Variants in POU2F3 observed in about 807,000 individuals in gnomAD.
POU2F3 encodes POU domain, class 2, transcription factor 3.
In POU2F3, 23 loss-of-function variants were observed where a neutral mutation model predicts 59.2. The ratio of observed to expected loss-of-function variants is 0.39; its 90% CI spans 0.28 to 0.55. The LOEUF (loss-of-function observed/expected upper bound fraction) is 0.55, where lower values mean the gene tolerates loss of function less well. Among genes scored for constraint, POU2F3 ranks in the 20% least tolerant of loss-of-function variants. The pLI, the probability that POU2F3 is intolerant of heterozygous loss-of-function variation, is 0.66. For synonymous variants in POU2F3, 190 were observed against 214.6 expected, an observed-to-expected ratio of 0.89 and a Z score of 1.00; for missense variants, 473 against 544.5, an observed-to-expected ratio of 0.87 and a Z score of 1.31.
chr11:120,298,082 A>G (rs1200024238), intron 3 of POU2F3, among the ~76,000 whole-genome samples, 183 bp from the exon 4 acceptor site: 1 of 151,844 alleles, frequency 6.6e-6, no homozygotes, highest in African/African-American at 2.4e-5. Flanking sequence ...GCCTCTGCCC[A>G]GCTGCCCTGG....
intron 1 of POU2F3, among the ~76,000 whole-genome samples, chr11:120,241,356 C>T (rs547261076): frequency 3.9e-5 from 6 of 152,288 alleles, no homozygotes; most frequent in South Asian, 2.1e-4. Flanking sequence ...TCCAGACCCA[C>T]CCCAAGAAGC....
intron 2 of POU2F3, among the ~76,000 whole-genome samples, chr11:120,267,811 A>G (rs1939898447): frequency 1.7e-5 from 1 of 59,648 alleles, no homozygotes; most frequent in African/African-American, 1.3e-4. Context: ...AGCATATTGT[A>G]TATGCATATT....
chr11:120,239,481 G>T (rs1054947686), upstream of POU2F3, among the ~76,000 whole-genome samples: 2 of 152,148 alleles, frequency 1.3e-5, no homozygotes, highest in Admixed American at 6.5e-5. Flanking sequence ...TCATCTCGTA[G>T]AGCCTCACAG....
intron 3 of POU2F3, among the ~76,000 whole-genome samples, chr11:120,295,116 T>C (rs1941155378): frequency 6.6e-6 from 1 of 152,170 alleles, no homozygotes; most frequent in Non-Finnish European, 1.5e-5. Context: ...CCAAAGAGTC[T>C]GAAGGGCAAT....
At chr11:120,241,326 G>T (rs949156487) in intron 1 of POU2F3, among the ~76,000 whole-genome samples, 1 of 152,334 alleles carries the variant, frequency 6.6e-6, no homozygotes, top group South Asian at 2.1e-4. Context: ...CTTTCTGGGA[G>T]AGTAGGGAGG....
chr11:120,294,294 C>T (rs547490152), intron 3 of POU2F3, among the ~76,000 whole-genome samples: 12 of 152,354 alleles, frequency 7.9e-5, no homozygotes, highest in African/African-American at 2.9e-4. Context: ...GGACAGGCTG[C>T]TCAGTGGCTG....
intron 2 of POU2F3, among the ~76,000 whole-genome samples, chr11:120,267,994 T>C (rs1036160035): frequency 3.1e-4 from 47 of 152,116 alleles, no homozygotes; most frequent in Non-Finnish European, 5.0e-4. Context: ...CCTATTCACA[T>C]AGCAAAAGAG....
At chr11:120,293,843 G>A (rs1344901091) in intron 3 of POU2F3, among the ~76,000 whole-genome samples, 2 of 152,144 alleles carry the variant, frequency 1.3e-5, no homozygotes, top group Admixed American at 6.5e-5. Context: ...TTCCGTCACC[G>A]ATGGTCTATT....
rs140457886 is a variant in POU2F3 at position 120,297,827 on chromosome 11, G to A, written c.133-438G>A. Among the ~76,000 whole-genome samples the A allele has an allele frequency of 1.8e-3, 272 of 152,090 alleles. 1 individual carries two copies. The highest frequency in any genetic ancestry group is 6.1e-3 in the African/African-American group (255 of 41,496). ...ACTGTGTCACCTAGGCTGGAGTGCA[G>A]TGGCGTGATCATAGCTCACTGCAGC... is the stretch of plus-strand genomic sequence containing the variant. On this transcript the variant is annotated intron_variant, in intron 3 of 12. Transcript: ENST00000543440.
At chr11:120,287,009 T>C (rs1940807421) in intron 3 of POU2F3, among the ~76,000 whole-genome samples, 1 of 152,184 alleles carries the variant, frequency 6.6e-6, no homozygotes, top group Non-Finnish European at 1.5e-5. Flanking sequence ...CAGTGACCCA[T>C]CGTTAATCAA....
rs187881857 is a variant in POU2F3 at position 120,280,833 on chromosome 11, G to A, written c.132+11589G>A. Among the ~76,000 whole-genome samples the A allele has an allele frequency of 2.8e-3, 425 of 152,308 alleles. 1 individual carries two copies. The highest frequency in any genetic ancestry group is 9.8e-3 in the African/African-American group (406 of 41,570). ...GTAGAGATAGTATCTGCAGGCTCAGGGAGGGTTGCCAGGTAAAGGGTGGGG... is the reference window on the plus strand; with the variant it reads ...GTAGAGATAGTATCTGCAGGCTCAGAGAGGGTTGCCAGGTAAAGGGTGGGG... On this transcript the variant is annotated intron_variant, in intron 3 of 12. Transcript: ENST00000543440.
Position 120,318,382 on chromosome 11 carries a change from A to G in POU2F3, c.1301A>G (p.Tyr434Cys). Reference protein sequence around the residue: ...GSWYRWNHSTYLH With the variant: ...GSWYRWNHSTCLH ...TGGTACCGATGGAATCATTCCACCT[A>G]CCTCCACTGAGACCAAAAAGTTTCT... The change falls in exon 13 of 13, where the codon TAC becomes TGC. Residue 434 changes from tyrosine to cysteine, a missense_variant. Transcript: ENST00000543440. 6.2e-7 allele frequency: 1 copy of G among 1,604,862 alleles called. No individual in the cohort carries two copies. Among genetic ancestry groups the G allele is most frequent in the Non-Finnish European group, 8.5e-7 (1 of 1,171,856 alleles).
intron 2 of POU2F3, among the ~76,000 whole-genome samples, chr11:120,249,000 C>T (rs1190231774): frequency 6.6e-6 from 1 of 152,182 alleles, no homozygotes; most frequent in East Asian, 1.9e-4. Context: ...CCCTGTGCTG[C>T]GTGAAATCCC....
intron 2 of POU2F3, 84 bp from the exon 3 acceptor site, chr11:120,269,126 C>A: frequency 1.8e-6 from 2 of 1,089,996 alleles, no homozygotes; most frequent in African/African-American, 1.6e-5. Context: ...AGCCACACGC[C>A]TCTCAACATC....
At chr11:120,307,429 G>T (rs1199663648) in intron 8 of POU2F3, 50 bp from the exon 9 acceptor site, 1 of 1,600,834 alleles carries the variant, frequency 6.2e-7, no homozygotes, top group South Asian at 1.1e-5. Context: ...GAAGGCACCG[G>T]CCACTCATCC....
intron 9 of POU2F3, 140 bp downstream of exon 9, chr11:120,307,755 T>C: frequency 1.7e-6 from 2 of 1,162,118 alleles, no homozygotes; most frequent in Non-Finnish European, 2.4e-6. Flanking sequence ...ATTATCCCAC[T>C]CCAGGCGCCC....
At chr11:120,294,712 GCCATGGGAATTGTCGATGTA>G (rs1424186314) in intron 3 of POU2F3, among the ~76,000 whole-genome samples, 2 of 152,132 alleles carry the variant, frequency 1.3e-5, no homozygotes, top group African/African-American at 4.8e-5. Flanking sequence ...TCTGTCAGAG[GCCATGGGAATTGTCGATGTA>G]CCCTTCCTCC....
chr11:120,287,932 G>A (rs553292452), intron 3 of POU2F3, among the ~76,000 whole-genome samples: 1 of 151,958 alleles, frequency 6.6e-6, no homozygotes, highest in South Asian at 2.1e-4. Context: ...GGTCTACTGA[G>A]CTTAATGATG....
chr11:120,301,148 C>T (rs2135285535), intron 5 of POU2F3: 1 of 449,540 alleles, frequency 2.2e-6, no homozygotes, highest in South Asian at 1.6e-5. Context: ...GAAAAATTTA[C>T]TGGTTTCTTT....
Sources: allele counts gnomAD v4.1 joint callset (sites outside exome capture counted in the v4.1 genomes callset), GRCh38; gene constraint gnomAD v4.1.1; transcripts MANE v1.5; gene names NCBI Gene and HGNC (gene_info 2026-07-23, HGNC 2026-07-21).